Variants in EXT2 observed in about 807,000 individuals in gnomAD.
EXT2 encodes the protein exostosin glycosyltransferase 2, also known as exostosin-2.
A neutral mutation model predicts 81.6 loss-of-function variants in EXT2; 53 were observed. That is an observed-to-expected ratio of 0.65 (90% confidence interval 0.52 to 0.82). The LOEUF is 0.82. EXT2 is among the 40% of genes least tolerant of loss of function. The pLI is 0.00. For missense variants in EXT2, 774 were observed against 910.2 expected (o/e 0.85, Z 1.93); for synonymous variants, 320 against 340.0 (o/e 0.94, Z 0.65).
At chr11:44,109,154 T>C (rs1954105151) in intron 2 of EXT2, 40 bp from the exon 3 acceptor site, 2 of 1,602,044 alleles carry the variant, frequency 1.2e-6, no homozygotes, top group South Asian at 1.1e-5. Flanking sequence ...CTTTTCATAG[T>C]TGACACATTA....
At chr11:44,221,940 T>G (rs949875463) in intron 10 of EXT2, among the ~76,000 whole-genome samples, 7 of 152,094 alleles carry the variant, frequency 4.6e-5, no homozygotes, top group African/African-American at 1.7e-4. Context: ...AGGATCAGAG[T>G]AGTCCCAGAC....
At chr11:44,172,020 C>A (rs955563861) in intron 8 of EXT2, 1 of 475,484 alleles carries the variant, frequency 2.1e-6, no homozygotes, top group Non-Finnish European at 3.8e-6. Context: ...TGTTGGAAAT[C>A]AAAGACATCC....
At chr11:44,192,443 A>G (rs1297278963) in intron 8 of EXT2, among the ~76,000 whole-genome samples, 7 of 152,220 alleles carry the variant, frequency 4.6e-5, no homozygotes, top group South Asian at 2.1e-4. Context: ...CTTTAACACT[A>G]TACCAGGCTT....
At chr11:44,105,117 G>A (rs558775420) in intron 1 of EXT2, among the ~76,000 whole-genome samples, 4 of 152,110 alleles carry the variant, frequency 2.6e-5, no homozygotes, top group East Asian at 1.9e-4. Flanking sequence ...TACTCAGCTC[G>A]CTAGGCAGGA....
intron 6 of EXT2, 108 bp from the exon 7 acceptor site, chr11:44,129,937 A>G (rs1289526688): frequency 2.4e-6 from 2 of 827,616 alleles, no homozygotes; most frequent in African/African-American, 3.4e-5. Context: ...GTGGGGCTGA[A>G]GGAGGTTTGG....
At chr11:44,130,924 C>T (rs145291987) in intron 7 of EXT2, among the ~76,000 whole-genome samples, 1 of 152,376 alleles carries the variant, frequency 6.6e-6, no homozygotes, top group Non-Finnish European at 1.5e-5. Flanking sequence ...CACCCTCAGC[C>T]TCAGGCAGAG....
chr11:44,237,290 C>T (rs1207601867), intron 13 of EXT2, among the ~76,000 whole-genome samples: 1 of 151,428 alleles, frequency 6.6e-6, no homozygotes, highest in East Asian at 1.9e-4. Flanking sequence ...TGTGTGTGTG[C>T]AGAAAGTTGT....
chr11:44,237,997 G>T (rs1456646790), intron 13 of EXT2, among the ~76,000 whole-genome samples: 3 of 151,982 alleles, frequency 2.0e-5, no homozygotes, highest in African/African-American at 7.3e-5. Context: ...GCTGAGGCAG[G>T]AGAATCACTT....
chr11:44,119,124 TTATA>T (rs200249806), intron 4 of EXT2, among the ~76,000 whole-genome samples: 534 of 25,488 alleles, frequency 0.021, 7 homozygotes, highest in African/African-American at 0.036. Flanking sequence ...ATTTGGCTAT[TTATA>T]TATATATATA....
At chr11:44,187,437 A>G (rs1313372129) in intron 8 of EXT2, among the ~76,000 whole-genome samples, 3 of 151,966 alleles carry the variant, frequency 2.0e-5, no homozygotes, top group African/African-American at 4.8e-5. Context: ...GCCTCGAGCA[A>G]TCCTCCCACC....
At chr11:44,114,527 A>C (rs1342420352) in intron 4 of EXT2, among the ~76,000 whole-genome samples, 1 of 152,180 alleles carries the variant, frequency 6.6e-6, no homozygotes, top group Non-Finnish European at 1.5e-5. Context: ...TAAGCCAGGA[A>C]TCCATGTGGT....
At chr11:44,096,140 C>G in intron 1 of EXT2, 3 of 1,029,532 alleles carry the variant, frequency 2.9e-6, no homozygotes, top group Admixed American at 2.0e-5. Flanking sequence ...ACCTTCGCCC[C>G]CAGTCCGCTC....
At chr11:44,243,036 G>T (rs771956564) in intron 13 of EXT2, among the ~76,000 whole-genome samples, 3 of 152,180 alleles carry the variant, frequency 2.0e-5, no homozygotes, top group Non-Finnish European at 4.4e-5. Flanking sequence ...GGTGTTGGTG[G>T]ACATGATGAT....
chr11:44,194,353 G>A (rs1955430816), intron 8 of EXT2, among the ~76,000 whole-genome samples: 1 of 152,164 alleles, frequency 6.6e-6, no homozygotes, highest in African/African-American at 2.4e-5. Context: ...TATTGGCCCA[G>A]ATTTTATTAA....
chr11:44,129,481 GT>G (rs1305506195), intron 6 of EXT2, among the ~76,000 whole-genome samples: 1 of 152,198 alleles, frequency 6.6e-6, no homozygotes, highest in Non-Finnish European at 1.5e-5. Context: ...CTTCAGGGCT[GT>G]TTGCTTGTTA....
At chr11:44,153,100 A>C (rs1954814258) in intron 7 of EXT2, among the ~76,000 whole-genome samples, 1 of 152,256 alleles carries the variant, frequency 6.6e-6, no homozygotes, top group Non-Finnish European at 1.5e-5. Context: ...TCTATAATTC[A>C]AGTTGGGAAG....
chr11:44,147,195 G>C (rs1954730060), intron 7 of EXT2, among the ~76,000 whole-genome samples: 1 of 152,168 alleles, frequency 6.6e-6, no homozygotes, highest in South Asian at 2.1e-4. Context: ...TAATGTGGTA[G>C]TAAACTGTAA....
Position 44,251,508 on chromosome 11 carries a change from C to G in EXT2, c.*7221C>G, listed in dbSNP as rs1956137663. ...AAGTATCCCATGAGACCATTATGAG[C>G]AGGACACGACATTGTTTCACACCTT... On this transcript the variant is annotated 3_prime_UTR_variant, in exon 14 of 14. Coordinates refer to ENST00000533608, the MANE Select transcript of EXT2 (RefSeq NM_207122.2). Among the ~76,000 whole-genome samples, 1 of 152,076 alleles carries G rather than the reference C, an allele frequency of 6.6e-6. No homozygotes were observed. The highest frequency in any genetic ancestry group is 1.5e-5 in the Non-Finnish European group (1 of 68,022).
In EXT2 at chr11:44,198,008, C is replaced by T. The variant is rs1305917098; in HGVS notation, c.1485C>T (p.Asn495=). 2 of 1,614,064 alleles carry T rather than the reference C, an allele frequency of 1.2e-6. No homozygotes were observed. The highest frequency in any genetic ancestry group is 1.7e-6 in the Non-Finnish European group (2 of 1,179,966). ...TCGTCTGGAATAATCAGAATAAAAA[C>T]CCTCCAGAAGGTAAGAAGCCTTAGT... ...LLVVWNNQNK[N]PPEDSLWPKI... The change falls in exon 9 of 14, where the codon AAC becomes AAT. Residue 495 remains asparagine, a synonymous_variant. Coordinates refer to ENST00000533608, the MANE Select transcript of EXT2 (RefSeq NM_207122.2).
Sources: allele counts gnomAD v4.1 joint callset (sites outside exome capture counted in the v4.1 genomes callset), GRCh38; gene constraint gnomAD v4.1.1; transcripts MANE v1.5; gene names NCBI Gene and HGNC (gene_info 2026-07-23, HGNC 2026-07-21).